Variants in GPC6 observed in about 807,000 individuals in gnomAD.
GPC6 encodes glypican-6.
A neutral mutation model predicts 55.2 loss-of-function variants in GPC6; 14 were observed. That is an observed-to-expected ratio of 0.25 (90% CI 0.17 to 0.40). The LOEUF is 0.40. Among genes scored for constraint, GPC6 ranks in the 10% least tolerant of loss-of-function variants. GPC6 has a pLI of 1.00. For synonymous variants in GPC6, 278 were observed against 259.6 expected, an observed-to-expected ratio of 1.07 and a Z score of -0.68; for missense variants, 641 against 708.5, an observed-to-expected ratio of 0.90 and a Z score of 1.08.
At chr13:93,315,520 T>G (rs947037220) in intron 1 of GPC6, among the ~76,000 whole-genome samples, 3 of 151,956 alleles carry the variant, frequency 2.0e-5, no homozygotes, top group African/African-American at 7.2e-5. Flanking sequence ...TTTACATATT[T>G]CATCATTTAA....
intron 4 of GPC6, among the ~76,000 whole-genome samples, chr13:94,237,307 CT>C (rs944728482): frequency 6.6e-6 from 1 of 150,728 alleles, no homozygotes; most frequent in Non-Finnish European, 1.5e-5. Context: ...TTCCTTCCTT[CT>C]TTCTTTTCTC....
At chr13:94,066,281 T>C (rs1884513098) in intron 4 of GPC6, among the ~76,000 whole-genome samples, 1 of 152,208 alleles carries the variant, frequency 6.6e-6, no homozygotes, top group African/African-American at 2.4e-5. Flanking sequence ...ATGCTGTTCA[T>C]AGGTACAGCT....
rs572864059 is a variant in GPC6, at chr13:93,436,067, G to C, written c.161-109196G>C. On this transcript the variant is annotated intron_variant, in intron 1 of 8. Coordinates refer to ENST00000377047, the MANE Select transcript of GPC6 (RefSeq NM_005708.5). ...TAGTGTTGCTTAAGTAAATCCCCCTGTTTGAGACCAATTGTAGATATTTGC... is the reference window on the plus strand; with the variant it reads ...TAGTGTTGCTTAAGTAAATCCCCCTCTTTGAGACCAATTGTAGATATTTGC... Among the ~76,000 whole-genome samples, 13 of 152,178 alleles carry C rather than the reference G, an allele frequency of 8.5e-5. 2 individuals carry two copies. The highest frequency in any genetic ancestry group is 3.1e-4 in the African/African-American group (13 of 41,520).
At chr13:93,676,129 AT>A (rs1566481633) in intron 2 of GPC6, among the ~76,000 whole-genome samples, 287 of 7,066 alleles carry the variant, frequency 0.041, 5 homozygotes, top group African/African-American at 0.047. Context: ...AAAAAAAAAT[AT>A]ATATATATAT....
intron 6 of GPC6, among the ~76,000 whole-genome samples, chr13:94,337,121 T>C (rs368188688): frequency 1.3e-5 from 2 of 152,164 alleles, no homozygotes; most frequent in African/African-American, 4.8e-5. Flanking sequence ...CCCTGAGCCT[T>C]TGAACCAACA....
intron 2 of GPC6, among the ~76,000 whole-genome samples, chr13:93,691,962 T>A (rs1199287849): frequency 6.6e-6 from 1 of 152,044 alleles, no homozygotes; most frequent in Admixed American, 6.6e-5. Flanking sequence ...CCCTATCCCA[T>A]TGCTGTAAAG....
intron 2 of GPC6, among the ~76,000 whole-genome samples, chr13:93,747,408 A>C (rs556230234): frequency 1.3e-5 from 2 of 152,174 alleles, no homozygotes; most frequent in African/African-American, 2.4e-5. Flanking sequence ...CACTATGCCT[A>C]CTAAACCATC....
chr13:93,893,823 A>G (rs904051996), intron 3 of GPC6, among the ~76,000 whole-genome samples: 1 of 152,096 alleles, frequency 6.6e-6, no homozygotes, highest in African/African-American at 2.4e-5. Flanking sequence ...AATTTTTTTC[A>G]TCTTTCAATT....
chr13:94,185,151 G>C (rs1889127073), intron 4 of GPC6, among the ~76,000 whole-genome samples: 1 of 151,674 alleles, frequency 6.6e-6, no homozygotes, highest in African/African-American at 2.4e-5. Flanking sequence ...AGTGGGGAAG[G>C]AGGAAAGGGG....
chr13:93,934,613 T>TA (rs772283623), intron 3 of GPC6, among the ~76,000 whole-genome samples: 3 of 152,170 alleles, frequency 2.0e-5, no homozygotes, highest in Non-Finnish European at 4.4e-5. Flanking sequence ...CTTCCCCTTA[T>TA]CCCAACCAGC....
At chr13:93,748,680 G>A (rs558844342) in intron 2 of GPC6, among the ~76,000 whole-genome samples, 12 of 151,972 alleles carry the variant, frequency 7.9e-5, no homozygotes, top group Non-Finnish European at 1.8e-4. Flanking sequence ...CTTTAATTAT[G>A]TCTTCAAATG....
chr13:93,597,381 T>C (rs1877807089), intron 2 of GPC6, among the ~76,000 whole-genome samples: 1 of 152,178 alleles, frequency 6.6e-6, no homozygotes, highest in African/African-American at 2.4e-5. Context: ...AGTTACACAT[T>C]AGCACTGTAA....
intron 3 of GPC6, among the ~76,000 whole-genome samples, chr13:93,938,586 AAG>A (rs1368651679): frequency 1.3e-5 from 2 of 152,208 alleles, no homozygotes; most frequent in Non-Finnish European, 1.5e-5. Flanking sequence ...ACACAAATAA[AAG>A]AGAGAAATTT....
At chr13:93,368,026 G>GT (rs1224499734) in intron 1 of GPC6, among the ~76,000 whole-genome samples, 5 of 152,022 alleles carry the variant, frequency 3.3e-5, no homozygotes, top group Non-Finnish European at 7.4e-5. Flanking sequence ...AAAGATGGTT[G>GT]TTAAAATCTC....
chr13:93,879,097 C>T (rs1874786999), intron 3 of GPC6, among the ~76,000 whole-genome samples: 1 of 152,114 alleles, frequency 6.6e-6, no homozygotes, highest in African/African-American at 2.4e-5. Context: ...TCTTCCATTG[C>T]TGATACCCTT....
intron 3 of GPC6, among the ~76,000 whole-genome samples, chr13:93,887,324 A>G (rs1456683492): frequency 2.0e-5 from 3 of 152,076 alleles, no homozygotes; most frequent in African/African-American, 4.8e-5. Flanking sequence ...AAACATGACA[A>G]TTGATTGTCA....
chr13:93,677,054 A>G (rs1881662354), intron 2 of GPC6, among the ~76,000 whole-genome samples: 1 of 152,172 alleles, frequency 6.6e-6, no homozygotes, highest in African/African-American at 2.4e-5. Flanking sequence ...AAAGAATTAC[A>G]TTAGTACTAA....
intron 1 of GPC6, among the ~76,000 whole-genome samples, chr13:93,343,103 G>A (rs1236865737): frequency 1.3e-5 from 2 of 152,052 alleles, no homozygotes; most frequent in Non-Finnish European, 2.9e-5. Flanking sequence ...TTGTTCCTTA[G>A]TAATGGGAAA....
At chr13:93,450,120 A>G (rs1878169905) in intron 1 of GPC6, among the ~76,000 whole-genome samples, 1 of 152,092 alleles carries the variant, frequency 6.6e-6, no homozygotes, top group Non-Finnish European at 1.5e-5. Context: ...TCTAGTGTTC[A>G]TTATTTGTTT....
Sources: allele counts gnomAD v4.1 joint callset (sites outside exome capture counted in the v4.1 genomes callset), GRCh38; gene constraint gnomAD v4.1.1; transcripts MANE v1.5; gene names NCBI Gene and HGNC (gene_info 2026-07-23, HGNC 2026-07-21).